The following DACH1 variants were observed in gnomAD, a reference collection of about 807,000 sequenced individuals.
DACH1 encodes dachshund family transcription factor 1, also known as dachshund homolog 1.
Under a neutral mutation model 54.2 loss-of-function variants are expected in DACH1, and 12 were observed. The ratio of observed to expected loss-of-function variants is 0.22; its 90% CI spans 0.14 to 0.36. The LOEUF (loss-of-function observed/expected upper bound fraction) is 0.36. Among genes scored for constraint, DACH1 ranks in the 10% least tolerant of loss-of-function variants. The pLI, the probability that DACH1 is intolerant of heterozygous loss-of-function variation, is 1.00. For missense variants in DACH1, 805 were observed against 929.8 expected (o/e 0.87, Z 1.75); for synonymous variants, 386 against 366.2 (o/e 1.05, Z -0.62).
intron 1 of DACH1, among the ~76,000 whole-genome samples, chr13:71,817,755 G>A (rs1238550895): frequency 2.1e-5 from 3 of 146,120 alleles, no homozygotes; most frequent in Non-Finnish European, 3.0e-5. Flanking sequence ...AATCTCACCT[G>A]TTTCTTTTAA....
intron 1 of DACH1, among the ~76,000 whole-genome samples, chr13:71,844,707 T>C (rs1278936525): frequency 6.6e-6 from 1 of 152,022 alleles, no homozygotes; most frequent in Non-Finnish European, 1.5e-5. Flanking sequence ...TTCCCCTATA[T>C]AATAACTAAC....
intron 1 of DACH1, among the ~76,000 whole-genome samples, chr13:71,795,019 C>A (rs769780540): frequency 6.6e-6 from 1 of 151,950 alleles, no homozygotes; most frequent in African/African-American, 2.4e-5. Context: ...TTTCAATAAA[C>A]CATTATTGGA....
chr13:71,489,808 G>A (rs537141418), intron 6 of DACH1, among the ~76,000 whole-genome samples: 5 of 151,736 alleles, frequency 3.3e-5, no homozygotes, highest in South Asian at 2.1e-4. Context: ...CATAAAAAAC[G>A]GTATAAAGGA....
At chr13:71,677,367 T>C (rs1880636932) in intron 2 of DACH1, among the ~76,000 whole-genome samples, 2 of 152,196 alleles carry the variant, frequency 1.3e-5, no homozygotes, top group South Asian at 2.1e-4. Flanking sequence ...TTCTGGTTGC[T>C]ATGGCATCCG....
chr13:71,641,276 T>C (rs916272722), intron 2 of DACH1, among the ~76,000 whole-genome samples: 5 of 151,862 alleles, frequency 3.3e-5, no homozygotes, highest in African/African-American at 1.2e-4. Flanking sequence ...TACACACACA[T>C]AGAATAAAGA....
intron 1 of DACH1, among the ~76,000 whole-genome samples, chr13:71,776,366 C>T (rs1369578704): frequency 6.6e-6 from 1 of 151,944 alleles, no homozygotes; most frequent in African/African-American, 2.4e-5. Context: ...GTTACCATGG[C>T]TAATTTTGAC....
chr13:71,838,998 C>A (rs1212522591), intron 1 of DACH1, among the ~76,000 whole-genome samples: 2 of 152,162 alleles, frequency 1.3e-5, no homozygotes, highest in East Asian at 3.9e-4. Context: ...GTTATTATCA[C>A]AAGCTCAGAA....
chr13:71,648,008 A>G (rs750058195), intron 2 of DACH1, among the ~76,000 whole-genome samples: 5 of 152,238 alleles, frequency 3.3e-5, no homozygotes, highest in Non-Finnish European at 7.3e-5. Flanking sequence ...AAAATTACAC[A>G]GTGAATTTGA....
In DACH1 at chr13:71,534,871, C is replaced by A. The variant is rs142885359; in HGVS notation, c.1570+22153G>T. Among the ~76,000 whole-genome samples, 24 of 151,788 alleles carry A rather than the reference C, an allele frequency of 1.6e-4. No homozygotes were observed. The East Asian group carries it at 4.6e-3, about 29-fold the overall frequency. ...GTACCCATTCAAGTAAAACTGTGCA[C>A]TTAATTTTGTCCTTGTTTATAAGAG... is the stretch of plus-strand genomic sequence containing the variant. On this transcript the variant is annotated intron_variant, in intron 6 of 10. Coordinates refer to ENST00000613252, the MANE Select transcript of DACH1 (RefSeq NM_080759.6).
chr13:71,653,541 T>C (rs1878829611), intron 2 of DACH1, among the ~76,000 whole-genome samples: 2 of 152,334 alleles, frequency 1.3e-5, no homozygotes, highest in African/African-American at 4.8e-5. Flanking sequence ...ACCTGACACC[T>C]GTGGTTATCG....
intron 1 of DACH1, among the ~76,000 whole-genome samples, chr13:71,775,316 C>A (rs1431960324): frequency 6.6e-6 from 1 of 151,406 alleles, no homozygotes; most frequent in African/African-American, 2.4e-5. Context: ...AAAACAATTG[C>A]CACCTCAAAT....
intron 10 of DACH1, among the ~76,000 whole-genome samples, chr13:71,443,205 A>G (rs976089841): frequency 2.6e-5 from 4 of 151,762 alleles, no homozygotes; most frequent in Admixed American, 2.0e-4. Flanking sequence ...CTAAATGCTA[A>G]TAAGTTGTGT....
At chr13:71,772,084 C>A (rs1411177829) in intron 1 of DACH1, among the ~76,000 whole-genome samples, 1 of 151,522 alleles carries the variant, frequency 6.6e-6, no homozygotes, top group Non-Finnish European at 1.5e-5. Context: ...ACAAACCAAG[C>A]AGTAATTACA....
chr13:71,574,046 C>G (rs910926229), intron 3 of DACH1, among the ~76,000 whole-genome samples: 1 of 152,084 alleles, frequency 6.6e-6, no homozygotes, highest in Non-Finnish European at 1.5e-5. Flanking sequence ...ACAGAGAACA[C>G]AAAAGATCAC....
chr13:71,602,264 A>G (rs556579743), intron 3 of DACH1, among the ~76,000 whole-genome samples: 1 of 152,202 alleles, frequency 6.6e-6, no homozygotes, highest in South Asian at 2.1e-4. Flanking sequence ...TTTTCTAAGT[A>G]AATATAAAAT....
At chr13:71,811,093 T>C (rs1431271318) in intron 1 of DACH1, among the ~76,000 whole-genome samples, 1 of 152,158 alleles carries the variant, frequency 6.6e-6, no homozygotes, top group Non-Finnish European at 1.5e-5. Context: ...TCACCAGTTC[T>C]ATCCCTAACT....
chr13:71,480,713 T>C (rs1877955915), intron 7 of DACH1, among the ~76,000 whole-genome samples: 1 of 152,258 alleles, frequency 6.6e-6, no homozygotes, highest in East Asian at 1.9e-4. Flanking sequence ...CAAGAAGACA[T>C]TGTGAGCAGT....
chr13:71,789,857 A>G (rs1886762478), intron 1 of DACH1, among the ~76,000 whole-genome samples: 1 of 152,184 alleles, frequency 6.6e-6, no homozygotes, highest in South Asian at 2.1e-4. Flanking sequence ...CTGTAACAAC[A>G]ACAACAAAAA....
intron 6 of DACH1, among the ~76,000 whole-genome samples, chr13:71,514,497 T>C (rs935346335): frequency 1.5e-4 from 23 of 151,924 alleles, no homozygotes; most frequent in Non-Finnish European, 3.1e-4. Context: ...ATGAATAAAC[T>C]TTGTAGGGTA....
Sources: gnomAD v4.1 joint callset for allele counts (sites outside exome capture counted in the v4.1 genomes callset) on GRCh38, gnomAD v4.1.1 for gene constraint, MANE v1.5 for transcripts, NCBI Gene and HGNC (gene_info 2026-07-23, HGNC 2026-07-21) for gene names.